The following TFDP2 variants were observed in gnomAD, a reference collection of about 807,000 sequenced individuals.
TFDP2 encodes transcription factor Dp-2.
TFDP2 carries 17 observed loss-of-function variants against 59.3 expected under a neutral mutation model. That is an observed-to-expected ratio of 0.29 (90% CI 0.20 to 0.43). The LOEUF is 0.43. TFDP2 is among the 20% of genes least tolerant of loss of function. The pLI, the probability that TFDP2 is intolerant of heterozygous loss-of-function variation, is 1.00. For synonymous variants in TFDP2, 180 were observed against 194.7 expected (o/e 0.92, Z 0.63); for missense variants, 391 against 528.8 (o/e 0.74, Z 2.56).
At chr3:141,969,292 G>A (rs1439769807) in intron 9 of TFDP2, among the ~76,000 whole-genome samples, 7 of 120,750 alleles carry the variant, frequency 5.8e-5, no homozygotes, top group African/African-American at 9.8e-5. Context: ...ATATATAACC[G>A]GCCTAAATTT....
chr3:141,952,717 C>T (rs767195709), intron 12 of TFDP2, 21 bp from the exon 13 acceptor site: 2 of 1,607,332 alleles, frequency 1.2e-6, no homozygotes, highest in Non-Finnish European at 1.7e-6. Context: ...ATTAAAAACA[C>T]ACAGGCTCAT....
intron 8 of TFDP2, among the ~76,000 whole-genome samples, chr3:141,973,123 ATT>A (rs761950988): frequency 0.037 from 2,148 of 57,818 alleles, 53 homozygotes; most frequent in African/African-American, 0.071. Context: ...ATATATATAT[ATT>A]TTTTTTTTTT....
chr3:142,022,765 T>C lies in TFDP2; in HGVS notation c.83-17221A>G, dbSNP rs564206853. On this transcript the variant is annotated intron_variant, in intron 3 of 12. Transcript: ENST00000489671. ...AAATCCTTTTAAATTTACAGTTAAG[T>C]GAGATATTTTTCTAATATTTATAAG... Among the ~76,000 whole-genome samples the C allele has an allele frequency of 1.3e-4, 20 of 152,120 alleles. No individual in the cohort carries two copies. The South Asian group carries it at 3.7e-3, about 28-fold the overall frequency.
chr3:141,978,604 T>C lies in TFDP2; in HGVS notation c.435A>G (p.Arg145=), dbSNP rs1217340439. The C allele has an allele frequency of 1.2e-6, 2 of 1,613,922 alleles. No individual in the cohort carries two copies. The highest frequency in any genetic ancestry group is 1.7e-6 in the Non-Finnish European group (2 of 1,179,960). ...CTTCATTGTACGATGTTGTACCTTT[T>C]CGTTGAACTTTCTCACACACTTTCA... is the stretch of plus-strand genomic sequence containing the variant. ...FSMKVCEKVQ[R]KGTTSYNEVA... The change falls in exon 7 of 13, where the codon CGA becomes CGG. Residue 145 remains arginine, a synonymous_variant. Coordinates refer to ENST00000489671, the MANE Select transcript of TFDP2 (RefSeq NM_001178139.2).
At position 142,014,139 on chromosome 3, in the gene TFDP2, A is replaced by C. The variant is rs146459045; in HGVS notation, c.83-8595T>G. Among the ~76,000 whole-genome samples the C allele has an allele frequency of 7.4e-3, 1,130 of 152,158 alleles. 17 individuals carry two copies. Among genetic ancestry groups the C allele is most frequent in the African/African-American group, 0.025 (1,055 of 41,514 alleles). On this transcript the variant is annotated intron_variant, in intron 3 of 12. Transcript: ENST00000489671. ...ACAAGCTAACCTATTGCCCAAAATA[A>C]AAGTGTTTGGTTTGTTTGTTTTGAG...
intron 3 of TFDP2, among the ~76,000 whole-genome samples, chr3:142,061,544 C>G (rs2059913870): frequency 6.6e-6 from 1 of 152,002 alleles, no homozygotes; most frequent in Admixed American, 6.6e-5. Flanking sequence ...ATCATCCAAC[C>G]TGTTGAGGGC....
chr3:142,068,659 T>C (rs1013519522), intron 3 of TFDP2, among the ~76,000 whole-genome samples: 9 of 151,956 alleles, frequency 5.9e-5, no homozygotes, highest in Non-Finnish European at 1.2e-4. Flanking sequence ...CCTTGCCTCC[T>C]GGGCTCAAGC....
intron 2 of TFDP2, among the ~76,000 whole-genome samples, chr3:142,095,508 C>T (rs945191952): frequency 1.3e-5 from 2 of 152,202 alleles, no homozygotes; most frequent in Non-Finnish European, 2.9e-5. Flanking sequence ...CTATCATCAT[C>T]AAATTTTTAT....
chr3:142,125,295 C>T (rs1301147182), intron 1 of TFDP2, among the ~76,000 whole-genome samples: 1 of 152,092 alleles, frequency 6.6e-6, no homozygotes, highest in Non-Finnish European at 1.5e-5. Context: ...AATAAGGTTT[C>T]AAGACAAGAT....
At chr3:141,991,973 T>C (rs1450993418) in intron 6 of TFDP2, among the ~76,000 whole-genome samples, 6 of 143,592 alleles carry the variant, frequency 4.2e-5, no homozygotes, top group Non-Finnish European at 7.5e-5. Flanking sequence ...ACCCAGAAGG[T>C]GGAGGTTGCA....
chr3:142,043,152 T>C (rs943305285), intron 3 of TFDP2, among the ~76,000 whole-genome samples: 2 of 151,788 alleles, frequency 1.3e-5, no homozygotes, highest in African/African-American at 4.8e-5. Flanking sequence ...GTTCACGCCA[T>C]TCTCCTGCCT....
intron 3 of TFDP2, chr3:142,028,628 G>A: frequency 1.0e-6 from 1 of 985,340 alleles, no homozygotes; most frequent in Non-Finnish European, 1.2e-6. Context: ...ACATTCTACA[G>A]TCTTTGTTAC....
chr3:142,052,503 C>T (rs187059035), intron 3 of TFDP2, among the ~76,000 whole-genome samples: 57 of 151,320 alleles, frequency 3.8e-4, no homozygotes, highest in African/African-American at 1.2e-3. Context: ...GGAGATCGAG[C>T]GGAGATCAGC....
At chr3:142,004,642 C>A (rs1289628095) in intron 4 of TFDP2, among the ~76,000 whole-genome samples, 1 of 152,168 alleles carries the variant, frequency 6.6e-6, no homozygotes, top group Non-Finnish European at 1.5e-5. Context: ...ATTATTTCTA[C>A]TGCTACAGAT....
chr3:142,114,073 G>A (rs1160591185), intron 1 of TFDP2, among the ~76,000 whole-genome samples: 1 of 152,004 alleles, frequency 6.6e-6, no homozygotes, highest in African/African-American at 2.4e-5. Flanking sequence ...GCTGAGGCAG[G>A]AGAATGGCGT....
intron 1 of TFDP2, among the ~76,000 whole-genome samples, chr3:142,118,448 T>C (rs987946704): frequency 2.0e-5 from 3 of 152,156 alleles, no homozygotes; most frequent in Non-Finnish European, 4.4e-5. Flanking sequence ...TTAAATATTT[T>C]AAACAAGAAT....
chr3:141,986,962 GTTCA>G (rs2108124683), intron 6 of TFDP2, among the ~76,000 whole-genome samples: 1 of 152,116 alleles, frequency 6.6e-6, no homozygotes. Context: ...AAAAAATTCT[GTTCA>G]TTTTTATATG....
At position 142,046,582 on chromosome 3, in the gene TFDP2, CGGCGTT is replaced by C. The variant is rs960188453; in HGVS notation, c.83-41044_83-41039del. On this transcript the variant is annotated intron_variant, in intron 3 of 12. Coordinates refer to ENST00000489671, the MANE Select transcript of TFDP2 (RefSeq NM_001178139.2). ...GATGTTGCAGATAGCAGTTGCAACA[CGGCGTT>C]GGTGTTGGTGGGAAGCTGCCAAGTT... is the stretch of plus-strand genomic sequence containing the variant. 2.7e-4 allele frequency among the ~76,000 whole-genome samples: 10 copies of C among 37,624 alleles called. No individual in the cohort carries two copies. In the African/African-American group the frequency reaches 3.4e-3, roughly 13 times the overall value. The allele number at this position is 37,624 out of a possible 152,430, so 24.7% of individuals were successfully genotyped here.
intron 7 of TFDP2, among the ~76,000 whole-genome samples, chr3:141,977,174 C>T (rs559987717): frequency 7.2e-6 from 1 of 139,580 alleles, no homozygotes; most frequent in East Asian, 2.1e-4. Context: ...GGCTGGAATG[C>T]AGTGGCATGA....
Sources: gnomAD v4.1 joint callset for allele counts (sites outside exome capture counted in the v4.1 genomes callset) on GRCh38, gnomAD v4.1.1 for gene constraint, MANE v1.5 for transcripts, NCBI Gene and HGNC (gene_info 2026-07-23, HGNC 2026-07-21) for gene names.